The following FBXO15 variants were observed in gnomAD, a reference collection of about 807,000 sequenced individuals.
FBXO15 encodes F-box protein 15.
A neutral mutation model predicts 49.5 loss-of-function variants in FBXO15; 30 were observed. That is an observed-to-expected ratio of 0.61 (90% CI 0.45 to 0.82). FBXO15 has a LOEUF of 0.82. FBXO15 is among the 40% of genes least tolerant of loss of function. The pLI, the probability that FBXO15 is intolerant of heterozygous loss-of-function variation, is 0.00. For synonymous variants in FBXO15, 250 were observed against 232.7 expected (o/e 1.07, Z -0.68); for missense variants, 591 against 631.5 (o/e 0.94, Z 0.69).
intron 8 of FBXO15, among the ~76,000 whole-genome samples, chr18:74,088,120 T>C (rs1301608687): frequency 6.6e-6 from 1 of 152,210 alleles, no homozygotes; most frequent in East Asian, 1.9e-4. Flanking sequence ...CTTTATCAAA[T>C]GCACAGTTTG....
chr18:74,121,572 C>A (rs1366020528), intron 8 of FBXO15, among the ~76,000 whole-genome samples: 9 of 152,098 alleles, frequency 5.9e-5, no homozygotes, highest in Non-Finnish European at 8.8e-5. Flanking sequence ...AAAATGCCAA[C>A]AAACGCGAGA....
intron 3 of FBXO15, among the ~76,000 whole-genome samples, chr18:74,133,615 G>C (rs544882811): frequency 1.3e-5 from 2 of 152,268 alleles, no homozygotes; most frequent in South Asian, 4.1e-4. Context: ...AGGAATACTT[G>C]AGGCTGGGTA....
rs751280207 is a variant in FBXO15, at chr18:74,091,371, T to C, written c.1139-9320A>G. 3.3e-5 allele frequency among the ~76,000 whole-genome samples: 5 copies of C among 152,182 alleles called. No homozygotes were observed. In the South Asian group the frequency reaches 8.3e-4, roughly 25 times the overall value. ...CCACTTGTCACTCTGTGCCTTTTAA[T>C]TGGGCTATTTAGCCTGATTATATTC... On this transcript the variant is annotated intron_variant, in intron 8 of 9. Transcript: ENST00000419743.
At chr18:74,094,521 T>C (rs560343995) in intron 8 of FBXO15, among the ~76,000 whole-genome samples, 1 of 152,300 alleles carries the variant, frequency 6.6e-6, no homozygotes, top group South Asian at 2.1e-4. Flanking sequence ...AATTACCTAA[T>C]CCTGAGTATT....
intron 8 of FBXO15, among the ~76,000 whole-genome samples, chr18:74,083,922 C>A (rs776458847): frequency 6.6e-6 from 1 of 152,100 alleles, no homozygotes; most frequent in Non-Finnish European, 1.5e-5. Flanking sequence ...TACTTTAACA[C>A]CTTAATAATA....
chr18:74,077,786 T>G (rs1324967289), intron 9 of FBXO15, among the ~76,000 whole-genome samples: 1 of 152,034 alleles, frequency 6.6e-6, no homozygotes, highest in Admixed American at 6.5e-5. Context: ...ACTGTGGCCG[T>G]TTTAGAGAGA....
chr18:74,111,290 A>G (rs1914021840), intron 8 of FBXO15, among the ~76,000 whole-genome samples: 3 of 151,632 alleles, frequency 2.0e-5, no homozygotes, highest in African/African-American at 7.3e-5. Flanking sequence ...AAAAAAAAAC[A>G]TAAAACACAC....
chr18:74,126,147 CTGTCCATAG>C (rs1256973072), intron 5 of FBXO15, 46 bp from the exon 6 acceptor site: 1 of 1,607,762 alleles, frequency 6.2e-7, no homozygotes, highest in South Asian at 1.1e-5. Flanking sequence ...GTGAGCTTTC[CTGTCCATAG>C]TGTTGTCAAT....
intron 6 of FBXO15, 31 bp downstream of exon 6, chr18:74,125,944 G>A: frequency 6.2e-7 from 1 of 1,610,058 alleles, no homozygotes; most frequent in Non-Finnish European, 8.5e-7. Flanking sequence ...ATGGGGAAAT[G>A]ACACAGTACA....
chr18:74,147,701 C>T lies in FBXO15; in HGVS notation c.85G>A (p.Ala29Thr), dbSNP rs766210201. Residue 29 changes from alanine to threonine, a missense_variant, in exon 1 of 10, where the codon GCC (alanine) becomes ACC (threonine). Coordinates refer to ENST00000419743, the MANE Select transcript of FBXO15 (RefSeq NM_001142958.2). ...LRGPSRGGGA[A>T]RGRARAFGCR... Reference sequence around the variant, plus strand: ...CCAAAGGCCCTGGCGCGCCCCCGGGCCGCGCCACCGCCCCTGCTGGGCCCG... The same window carrying T: ...CCAAAGGCCCTGGCGCGCCCCCGGGTCGCGCCACCGCCCCTGCTGGGCCCG... The T allele has an allele frequency of 9.9e-6, 15 of 1,521,098 alleles. No individual in the cohort carries two copies. The South Asian group carries it at 1.8e-4, about 19-fold the overall frequency. 94.2% of individuals were successfully genotyped at this position (1,521,098 alleles called of 1,614,324 possible).
rs140784462 is a variant in FBXO15, at chr18:74,140,500, G to C, written c.117-188C>G. ...GGAAGGAAGAAAGGCAGGGAGAAGG[G>C]AGGAAGAGACAGTGAAACCTTGATG... On this transcript the variant is annotated intron_variant, in intron 1 of 9. Coordinates refer to ENST00000419743, the MANE Select transcript of FBXO15 (RefSeq NM_001142958.2). 2.9e-4 allele frequency among the ~76,000 whole-genome samples: 44 copies of C among 152,142 alleles called. 1 individual carries two copies. Among genetic ancestry groups the C allele is most frequent in the African/African-American group, 8.9e-4 (37 of 41,452 alleles).
chr18:74,118,146 T>C (rs756675941), intron 8 of FBXO15, among the ~76,000 whole-genome samples: 1 of 151,878 alleles, frequency 6.6e-6, no homozygotes. Flanking sequence ...TACAGGTGCA[T>C]GTAATCATGC....
chr18:74,110,325 T>C (rs1913966112), intron 8 of FBXO15, among the ~76,000 whole-genome samples: 1 of 151,610 alleles, frequency 6.6e-6, no homozygotes, highest in Non-Finnish European at 1.5e-5. Flanking sequence ...GGCAGAATGT[T>C]ATTTGAAAGT....
chr18:74,121,478 G>A (rs1393082198), intron 8 of FBXO15, among the ~76,000 whole-genome samples: 1 of 152,186 alleles, frequency 6.6e-6, no homozygotes, highest in African/African-American at 2.4e-5. Flanking sequence ...ACTGAAAGAT[G>A]TTCCACATTC....
chr18:74,114,748 T>A (rs965188055), intron 8 of FBXO15, among the ~76,000 whole-genome samples: 1 of 152,176 alleles, frequency 6.6e-6, no homozygotes, highest in African/African-American at 2.4e-5. Flanking sequence ...AGTCTAGGGA[T>A]CATACATTTT....
rs756869233 is a variant in FBXO15 at position 74,126,078 on chromosome 18, G to T, written c.809C>A (p.Ala270Glu). The T allele has an allele frequency of 1.3e-5, 21 of 1,613,874 alleles. No individual in the cohort carries two copies. In the South Asian group the frequency reaches 2.3e-4, roughly 18 times the overall value. The change falls in exon 6 of 10, where the codon GCA becomes GAA. Residue 270 changes from alanine (A) to glutamate (E), a missense_variant. Ala to Glu is a moderately radical substitution (Grantham distance 107). Coordinates refer to ENST00000419743, the MANE Select transcript of FBXO15 (RefSeq NM_001142958.2). ...GGTCAAATGACTCAGATTGTACTTT[G>T]CAATTAAAGAATGCCATCGGAGTCT... Reference protein sequence around the residue: ...KHRLRWHSLIAKYNLSHLTIS... With the variant: ...KHRLRWHSLIEKYNLSHLTIS...
chr18:74,085,441 A>C (rs1912695755), intron 8 of FBXO15, among the ~76,000 whole-genome samples: 2 of 152,168 alleles, frequency 1.3e-5, no homozygotes, highest in Non-Finnish European at 2.9e-5. Context: ...AAAAATACAA[A>C]AATTAGCCAG....
intron 8 of FBXO15, among the ~76,000 whole-genome samples, chr18:74,083,937 T>C (rs558519144): frequency 6.6e-6 from 1 of 152,320 alleles, no homozygotes; most frequent in South Asian, 2.1e-4. Flanking sequence ...ATAATAATAT[T>C]AACTGGGTAA....
intron 5 of FBXO15, 46 bp from the exon 6 acceptor site, chr18:74,126,147 C>T: frequency 6.2e-7 from 1 of 1,607,762 alleles, no homozygotes; most frequent in Non-Finnish European, 8.5e-7. Context: ...GTGAGCTTTC[C>T]TGTCCATAGT....
Sources: allele counts gnomAD v4.1 joint callset (sites outside exome capture counted in the v4.1 genomes callset), GRCh38; gene constraint gnomAD v4.1.1; transcripts MANE v1.5; gene names NCBI Gene and HGNC (gene_info 2026-07-23, HGNC 2026-07-21).